Variants in DTX1 observed in about 807,000 individuals in gnomAD.
The protein encoded by DTX1 is deltex E3 ubiquitin ligase 1.
Under a neutral mutation model 57.8 loss-of-function variants are expected in DTX1, and 26 were observed. That is an observed-to-expected ratio of 0.45 (90% CI 0.33 to 0.62). DTX1 has a LOEUF of 0.62. Among genes scored for constraint, DTX1 ranks in the 20% least tolerant of loss-of-function variants. DTX1 has a pLI of 0.02. For synonymous variants in DTX1, 398 were observed against 394.1 expected (o/e 1.01, Z -0.12); for missense variants, 704 against 895.3 (o/e 0.79, Z 2.73).
chr12:113,075,595 G>A (rs1340322265), intron 2 of DTX1, among the ~76,000 whole-genome samples: 2 of 152,188 alleles, frequency 1.3e-5, no homozygotes, highest in Non-Finnish European at 2.9e-5. Flanking sequence ...AGAGTTTCCC[G>A]TGGAGCCTTG....
Position 113,093,605 on chromosome 12 carries a change from T to A in DTX1, c.1070T>A (p.Ile357Asn). Residue 357 changes from isoleucine (I) to asparagine (N), a missense_variant, in exon 5 of 10, where the codon ATC (isoleucine) becomes AAC (asparagine). By Grantham distance (149) the Ile-to-Asn change is moderately radical. Around this residue, in one of 3 missense-constraint regions of DTX1, gnomAD observed 299 missense variants for 311.2 expected, o/e 0.96. Transcript: ENST00000548759. This position sits in a 1 kb window ranked among gnomAD's most constrained non-coding sequence, Gnocchi z 4.2. ...TGCCTGACGCGGGCCCCCAAGCCCATCCTGCACCCGCCGCCCGTGAGCAAG... is the reference window on the plus strand; with the variant it reads ...TGCCTGACGCGGGCCCCCAAGCCCAACCTGCACCCGCCGCCCGTGAGCAAG... ...PVCLTRAPKP[I>N]LHPPPVSKSD... 2 of 1,612,680 alleles carry A rather than the reference T, an allele frequency of 1.2e-6. No homozygotes were observed. The highest frequency in any genetic ancestry group is 1.3e-5 in the African/African-American group (1 of 75,018).
chr12:113,060,541 G>A (rs1319355542), intron 2 of DTX1, among the ~76,000 whole-genome samples: 1 of 152,222 alleles, frequency 6.6e-6, no homozygotes, highest in Admixed American at 6.5e-5. Context: ...GTAGGAAGGG[G>A]CAGAGGACAT....
chr12:113,079,545 T>TTTTG (rs2044800599), intron 3 of DTX1, among the ~76,000 whole-genome samples: 1 of 104,308 alleles, frequency 9.6e-6, no homozygotes, highest in Non-Finnish European at 2.0e-5. Flanking sequence ...TTTTTTTTTT[T>TTTTG]GAGATACAGT....
chr12:113,068,547 G>A (rs1044942088), intron 2 of DTX1, among the ~76,000 whole-genome samples: 5 of 152,182 alleles, frequency 3.3e-5, no homozygotes, highest in Non-Finnish European at 7.3e-5. Context: ...CAAATACAGA[G>A]GCATAACCGC....
At chr12:113,071,912 T>C (rs1358779684) in intron 2 of DTX1, among the ~76,000 whole-genome samples, 1 of 152,232 alleles carries the variant, frequency 6.6e-6, no homozygotes, top group African/African-American at 2.4e-5. Flanking sequence ...CTTTAATAAC[T>C]ACCAGTAAAC....
intron 3 of DTX1, among the ~76,000 whole-genome samples, chr12:113,081,470 G>T (rs559450283): frequency 1.3e-5 from 2 of 152,210 alleles, no homozygotes; most frequent in Admixed American, 6.5e-5. Flanking sequence ...GACAAACAAG[G>T]CCTGTGTCCT....
At chr12:113,068,195 T>C (rs905218209) in intron 2 of DTX1, among the ~76,000 whole-genome samples, 3 of 152,242 alleles carry the variant, frequency 2.0e-5, no homozygotes, top group Admixed American at 1.3e-4. Context: ...TATTCATTCA[T>C]TTATTCATTC....
rs1470242017 is a variant in DTX1 at position 113,077,851 on chromosome 12, GC to G, written c.692del (p.Pro231ArgfsTer75). Reference protein sequence around the residue: ...ASQRRKAPPAPPLPPPPPPGG... With the variant: ...ASQRRKAPPAXPLPPPPPPGG... ...CGCAGCGCCGCAAGGCGCCCCCCGC[GC>G]CCCCGCTGCCGCCGCCGCCGCCACC... On this transcript the variant is annotated frameshift_variant, in exon 3 of 10. Coordinates refer to ENST00000548759, the MANE Select transcript of DTX1 (RefSeq NM_004416.3). LOFTEE classifies it high-confidence loss of function. The surrounding 1 kb of genome is among the most constrained non-coding windows in gnomAD (Gnocchi z 7.8). 1.5e-6 allele frequency: 2 copies of G among 1,327,540 alleles called. No homozygotes were observed. Among genetic ancestry groups the G allele is most frequent in the Non-Finnish European group, 9.5e-7 (1 of 1,049,216 alleles). 82.2% of individuals were successfully genotyped at this position (1,327,540 alleles called of 1,614,324 possible).
Position 113,093,913 on chromosome 12 carries a change from C to T in DTX1, c.1166-125C>T. ...ACCTCTGACCCTGGCCAACCCTTGC[C>T]AGCCTGACCCCGGCCAACCCTTGCC... On this transcript the variant is annotated intron_variant, in intron 5 of 9. Transcript: ENST00000548759. The surrounding 1 kb of genome is among the most constrained non-coding windows in gnomAD (Gnocchi z 4.2). 6.8e-7 allele frequency: 1 copy of T among 1,460,130 alleles called. No homozygotes were observed. 90.4% of individuals were successfully genotyped at this position (1,460,130 alleles called of 1,614,324 possible). A position where few individuals can be genotyped will look rare whatever the true frequency, so the allele number is the denominator to read the frequency against.
rs747818661 is a variant in DTX1 at position 113,058,319 on chromosome 12, A to G, written c.127A>G (p.Thr43Ala). 2 of 1,613,594 alleles carry G rather than the reference A, an allele frequency of 1.2e-6. No individual in the cohort carries two copies. The highest frequency in any genetic ancestry group is 1.7e-5 in the Admixed American group (1 of 60,026). ...CAGCCGCTGGCGGCCCTACACGGCC[A>G]CCGTGTGCCACCACATTGAGAACGT... Reference protein sequence around the residue: ...EHSRWRPYTATVCHHIENVLK... With the variant: ...EHSRWRPYTAAVCHHIENVLK... Residue 43 changes from threonine (T) to alanine (A), a missense_variant, in exon 2 of 10, where the codon ACC (threonine) becomes GCC (alanine). Coordinates refer to ENST00000548759, the MANE Select transcript of DTX1 (RefSeq NM_004416.3).
chr12:113,088,298 A>G (rs949450126), intron 3 of DTX1, among the ~76,000 whole-genome samples: 1 of 152,096 alleles, frequency 6.6e-6, no homozygotes, highest in Non-Finnish European at 1.5e-5. Context: ...GTTGAGGAGG[A>G]TTCTGAAGTT....
intron 3 of DTX1, among the ~76,000 whole-genome samples, chr12:113,092,668 C>T (rs779094194): frequency 6.6e-6 from 1 of 152,118 alleles, no homozygotes; most frequent in Non-Finnish European, 1.5e-5. Flanking sequence ...CTTGTCAGAG[C>T]CTTTAATATG....
chr12:113,070,786 T>TG (rs1440515599), intron 2 of DTX1, among the ~76,000 whole-genome samples: 1 of 152,214 alleles, frequency 6.6e-6, no homozygotes, highest in African/African-American at 2.4e-5. Flanking sequence ...CAGTCCAACC[T>TG]GGGCCTGCCT....
chr12:113,096,548 A>G (rs1424296475), intron 9 of DTX1, among the ~76,000 whole-genome samples, 167 bp from the exon 10 acceptor site: 1 of 152,184 alleles, frequency 6.6e-6, no homozygotes, highest in Non-Finnish European at 1.5e-5. Context: ...GAAGTTCAGG[A>G]AATACAAATG....
intron 3 of DTX1, among the ~76,000 whole-genome samples, chr12:113,085,278 G>C (rs2044848693): frequency 1.3e-5 from 2 of 152,162 alleles, no homozygotes; most frequent in Non-Finnish European, 2.9e-5. Flanking sequence ...TCCAACTCCT[G>C]ACCTCAAGCA....
intron 2 of DTX1, among the ~76,000 whole-genome samples, chr12:113,072,696 C>CTTTTTTTTTTT (rs60642403): frequency 1.4e-5 from 1 of 71,110 alleles, no homozygotes; most frequent in African/African-American, 5.2e-5. Context: ...GAGAGATTTT[C>CTTTTTTTTTTT]TTTTTTTTTT....
chr12:113,057,973 G>A lies in DTX1; in HGVS notation c.-220G>A, dbSNP rs1182010754. On this transcript the variant is annotated 5_prime_UTR_variant, in exon 2 of 10. Coordinates refer to ENST00000548759, the MANE Select transcript of DTX1 (RefSeq NM_004416.3). ...GCTTTCCAGGGCAGCACCCTTTATC[G>A]GAGAAGGCTCTACAGGGAAGGGGTC... The A allele has an allele frequency of 8.8e-6, 6 of 677,994 alleles. No homozygotes were observed. Among genetic ancestry groups the A allele is most frequent in the East Asian group, 2.8e-5 (1 of 35,678 alleles). 42.0% of individuals were successfully genotyped at this position (677,994 alleles called of 1,614,324 possible).
At chr12:113,086,333 A>G (rs1322878292) in intron 3 of DTX1, among the ~76,000 whole-genome samples, 2 of 151,760 alleles carry the variant, frequency 1.3e-5, no homozygotes, top group Non-Finnish European at 2.9e-5. Flanking sequence ...AGCATGTGCA[A>G]AGGCCCTGAG....
At chr12:113,081,623 T>A (rs2044818118) in intron 3 of DTX1, among the ~76,000 whole-genome samples, 3 of 151,684 alleles carry the variant, frequency 2.0e-5, no homozygotes, top group Admixed American at 2.0e-4. Flanking sequence ...TCTGAGGAGG[T>A]GGCCAGATGT....
Sources: gnomAD v4.1 joint callset for allele counts (sites outside exome capture counted in the v4.1 genomes callset) on GRCh38, gnomAD v4.1.1 for gene constraint, gnomAD v4.1.1 regional missense constraint, Gnocchi (gnomAD v3.1) non-coding constraint, MANE v1.5 for transcripts, NCBI Gene and HGNC (gene_info 2026-07-23, HGNC 2026-07-21) for gene names.